CCDC141: variants seen among roughly 807,000 people sequenced by gnomAD.
CCDC141 encodes coiled-coil domain-containing protein 141.
Under a neutral mutation model 181.0 loss-of-function variants are expected in CCDC141, and 168 were observed. That is an observed-to-expected ratio of 0.93 (90% CI 0.82 to 1.05). CCDC141 has a LOEUF of 1.05. Ranked by LOEUF, CCDC141 falls within the 50% of genes least tolerant of loss-of-function variation. The pLI is 0.00. For missense variants in CCDC141, 1,902 were observed against 1,788.5 expected (o/e 1.06, Z -1.14); for synonymous variants, 666 against 642.3 (o/e 1.04, Z -0.56).
At chr2:179,008,850 G>C (rs1295112532) in intron 2 of CCDC141, among the ~76,000 whole-genome samples, 1 of 152,066 alleles carries the variant, frequency 6.6e-6, no homozygotes, top group Non-Finnish European at 1.5e-5. Context: ...ATAAAGTTCT[G>C]AATACAGAGC....
At chr2:178,885,492 A>G (rs1280007886) in intron 10 of CCDC141, among the ~76,000 whole-genome samples, 1 of 152,216 alleles carries the variant, frequency 6.6e-6, no homozygotes, top group Non-Finnish European at 1.5e-5. Context: ...GCAAATTTAT[A>G]AAACTTATTT....
chr2:178,821,736 A>C, the CCDC141 span, among the ~76,000 whole-genome samples: 2 of 152,160 alleles, frequency 1.3e-5, no homozygotes, highest in Admixed American at 1.3e-4. Flanking sequence ...TTAGAATGGC[A>C]ATCATTAAAA....
rs372906370 is a variant in CCDC141 at position 179,028,058 on chromosome 2, TG to T, written c.225+19225del. ...GAAACAGTCATCAGACTGAGAATAC[TG>T]GATCAAGAAGTCACCATCCCAGACT... On this transcript the variant is annotated intron_variant, in intron 2 of 23. Coordinates refer to ENST00000443758, the MANE Select transcript of CCDC141 (RefSeq NM_173648.4). 4.6e-3 allele frequency among the ~76,000 whole-genome samples: 706 copies of T among 152,292 alleles called. 3 individuals are homozygous for T. The highest frequency in any genetic ancestry group is 0.016 in the African/African-American group (680 of 41,562).
intron 22 of CCDC141, among the ~76,000 whole-genome samples, chr2:178,842,903 A>G (rs1365283775): frequency 1.3e-5 from 2 of 152,156 alleles, no homozygotes; most frequent in Non-Finnish European, 2.9e-5. Context: ...TTTTCTTCCC[A>G]ATTTCTTTCA....
At chr2:178,931,407 G>A (rs1164767812) in intron 6 of CCDC141, among the ~76,000 whole-genome samples, 1 of 151,958 alleles carries the variant, frequency 6.6e-6, no homozygotes, top group Non-Finnish European at 1.5e-5. Flanking sequence ...ACTAGAAAAA[G>A]GTGAAAACAA....
chr2:178,826,007 T>C (rs552156835), downstream of CCDC141, among the ~76,000 whole-genome samples: 15 of 152,344 alleles, frequency 9.8e-5, no homozygotes, highest in Admixed American at 2.6e-4. Context: ...CCAGTCAACA[T>C]TGAATAAGAG....
chr2:178,884,968 C>T lies in CCDC141; in HGVS notation c.1652G>A (p.Gly551Asp). 1 of 1,550,358 alleles carries T rather than the reference C, an allele frequency of 6.5e-7. No homozygotes were observed. The highest frequency in any genetic ancestry group is 1.2e-5 in the South Asian group (1 of 84,036). The change falls in exon 11 of 24, where the codon GGC becomes GAC. Residue 551 changes from glycine to aspartate, a missense_variant. By Grantham distance (94) the Gly-to-Asp change is moderately conservative (BLOSUM62 -1). Coordinates refer to ENST00000443758, the MANE Select transcript of CCDC141 (RefSeq NM_173648.4). ...RWLAEELNLF[G>D]QSIDYRSQVL... The stretch of plus-strand genomic sequence containing the variant: ...TTGCGATCTATAGTCAATGCTTTGG[C>T]CAAATAGGTTTAATTCTTCTGCTAG...
intron 11 of CCDC141, among the ~76,000 whole-genome samples, chr2:178,878,888 G>A (rs747968588): frequency 6.6e-5 from 10 of 152,030 alleles, no homozygotes; most frequent in Non-Finnish European, 1.3e-4. Context: ...GGAATCAGAC[G>A]ATACAAATCA....
chr2:178,990,126 C>G (rs146882093), intron 2 of CCDC141, among the ~76,000 whole-genome samples: 2 of 123,306 alleles, frequency 1.6e-5, no homozygotes, highest in African/African-American at 6.5e-5. Context: ...ACAACAAGAG[C>G]GAAATTCCAT....
chr2:178,992,897 G>A (rs1287756491), intron 2 of CCDC141, among the ~76,000 whole-genome samples: 1 of 151,998 alleles, frequency 6.6e-6, no homozygotes, highest in East Asian at 1.9e-4. Context: ...CCCCCTTTTT[G>A]TCGGCACTTC....
intron 11 of CCDC141, among the ~76,000 whole-genome samples, chr2:178,881,341 G>A (rs1686597720): frequency 6.6e-6 from 1 of 152,114 alleles, no homozygotes; most frequent in African/African-American, 2.4e-5. Context: ...TGCTATGGTG[G>A]TTGCATGATT....
chr2:178,931,153 T>C (rs955734758), intron 6 of CCDC141, among the ~76,000 whole-genome samples: 14 of 151,908 alleles, frequency 9.2e-5, no homozygotes, highest in African/African-American at 3.1e-4. Flanking sequence ...ACTATAAAAA[T>C]CAAACAAAAT....
At chr2:178,890,908 A>G (rs1171299043) in intron 8 of CCDC141, among the ~76,000 whole-genome samples, 1 of 152,194 alleles carries the variant, frequency 6.6e-6, no homozygotes, top group Non-Finnish European at 1.5e-5. Flanking sequence ...AGTGCATTAG[A>G]TGCATTATTT....
intron 6 of CCDC141, among the ~76,000 whole-genome samples, chr2:178,943,406 G>A (rs1458667839): frequency 6.6e-6 from 1 of 152,060 alleles, no homozygotes; most frequent in Non-Finnish European, 1.5e-5. Context: ...TCAAACAGAA[G>A]CAAGAAACTG....
chr2:179,020,110 A>G (rs2154385672), intron 2 of CCDC141, among the ~76,000 whole-genome samples: 1 of 152,318 alleles, frequency 6.6e-6, no homozygotes, highest in Non-Finnish European at 1.5e-5. Flanking sequence ...TTTATTAGCA[A>G]TAAAGACTGT....
At chr2:178,992,903 A>G (rs959629515) in intron 2 of CCDC141, among the ~76,000 whole-genome samples, 1 of 152,072 alleles carries the variant, frequency 6.6e-6, no homozygotes, top group African/African-American at 2.4e-5. Context: ...TTTTGTCGGC[A>G]CTTCTCTTTG....
At chr2:179,029,808 C>T (rs905428086) in intron 2 of CCDC141, among the ~76,000 whole-genome samples, 3 of 152,120 alleles carry the variant, frequency 2.0e-5, no homozygotes, top group Non-Finnish European at 4.4e-5. Flanking sequence ...GCTTAACTAA[C>T]CCTTTTTGCA....
rs201156946 is a variant in CCDC141 at position 178,893,788 on chromosome 2, TTC to T, written c.1266-5122_1266-5121del. Among the ~76,000 whole-genome samples the T allele has an allele frequency of 3.6e-3, 493 of 137,632 alleles. 2 individuals carry two copies. Among genetic ancestry groups the T allele is most frequent in the African/African-American group, 4.6e-3 (178 of 38,536 alleles). 90.3% of individuals were successfully genotyped at this position (137,632 alleles called of 152,430 possible). ...TTTGAAAATTTCTCCCACCAAACAT[TTC>T]TCTCTCTCTCACACACACACACACA... On this transcript the variant is annotated intron_variant, in intron 8 of 23. Transcript: ENST00000443758.
intron 17 of CCDC141, among the ~76,000 whole-genome samples, chr2:178,857,153 TGCCCCAG>T (rs1685422930): frequency 6.6e-6 from 1 of 152,172 alleles, no homozygotes; most frequent in South Asian, 2.1e-4. Context: ...CACTAATATT[TGCCCCAG>T]ATCTCTCTAT....
Sources: gnomAD v4.1 joint callset for allele counts (sites outside exome capture counted in the v4.1 genomes callset) on GRCh38, gnomAD v4.1.1 for gene constraint, MANE v1.5 for transcripts, NCBI Gene and HGNC (gene_info 2026-07-23, HGNC 2026-07-21) for gene names.